The following FREM1 variants were observed in gnomAD, a reference collection of about 807,000 sequenced individuals.
FREM1 encodes FRAS1 related extracellular matrix 1.
FREM1 carries 220 observed loss-of-function variants against 210.1 expected under a neutral mutation model. The ratio of observed to expected loss-of-function variants is 1.05; its 90% CI spans 0.94 to 1.17. The LOEUF (loss-of-function observed/expected upper bound fraction) is 1.17, where lower values mean the gene tolerates loss of function less well. Among genes scored for constraint, FREM1 ranks in the 50% most tolerant of loss-of-function variants. The pLI, the probability that FREM1 is intolerant of heterozygous loss-of-function variation, is 0.00. For synonymous variants in FREM1, 1,189 were observed against 980.2 expected, an observed-to-expected ratio of 1.21 and a Z score of -3.98; for missense variants, 3,454 against 2,675.5, an observed-to-expected ratio of 1.29 and a Z score of -6.42.
rs1304258869 is a variant in FREM1 at position 14,770,908 on chromosome 9, G to C, written c.4858-102C>G. ...ACAATGACACACTGTCCCACGTTTT[G>C]GATTCCTTATACTCCTCACTAGTGG... is the stretch of plus-strand genomic sequence containing the variant. On this transcript the variant is annotated intron_variant, in intron 25 of 36. Transcript: ENST00000380880. The C allele has an allele frequency of 5.1e-6, 4 of 784,652 alleles. No homozygotes were observed. The African/African-American group carries it at 6.9e-5, about 14-fold the overall frequency. The allele number at this position is 784,652 out of a possible 1,614,324, so 48.6% of individuals were successfully genotyped here.
Position 14,819,385 on chromosome 9 carries a change from G to C in FREM1, c.2395C>G (p.His799Asp), listed in dbSNP as rs1257455196. Residue 799 changes from histidine (H) to aspartate (D), a missense_variant, in exon 14 of 37, where the codon CAC (histidine) becomes GAC (aspartate). Physicochemically the swap from His to Asp is moderately conservative, Grantham distance 81. Coordinates refer to ENST00000380880, the MANE Select transcript of FREM1 (RefSeq NM_001379081.2). ...GTATCTGCATCAGAAATTAGAATGTGCTCTGTGCTGATGATGCTTTGACCT... is the reference window on the plus strand; with the variant it reads ...GTATCTGCATCAGAAATTAGAATGTCCTCTGTGCTGATGATGCTTTGACCT... ...EGGQSIISTE[H>D]ILISDADTKL... is the part of the protein sequence containing the mutation. The C allele has an allele frequency of 6.2e-7, 1 of 1,613,346 alleles. No homozygotes were observed. Among genetic ancestry groups the C allele is most frequent in the Admixed American group, 1.7e-5 (1 of 59,966 alleles).
At chr9:14,764,217 T>C (rs1157521043) in intron 27 of FREM1, among the ~76,000 whole-genome samples, 1 of 152,230 alleles carries the variant, frequency 6.6e-6, no homozygotes, top group East Asian at 1.9e-4. Context: ...CCTTCTGCCA[T>C]GCTTGTGAGT....
chr9:14,900,423 A>G (rs1838572439), intron 1 of FREM1, among the ~76,000 whole-genome samples: 1 of 152,204 alleles, frequency 6.6e-6, no homozygotes, highest in Non-Finnish European at 1.5e-5. Context: ...CAAAGACTGA[A>G]GTTAGGATCT....
chr9:14,908,116 T>C (rs1588700002), intron 1 of FREM1, among the ~76,000 whole-genome samples: 2 of 152,348 alleles, frequency 1.3e-5, no homozygotes, highest in African/African-American at 4.8e-5. Context: ...CAGTTTTCTT[T>C]TTAATATAAA....
At chr9:14,869,900 G>A (rs765863184) in intron 1 of FREM1, among the ~76,000 whole-genome samples, 2 of 152,222 alleles carry the variant, frequency 1.3e-5, no homozygotes, top group Non-Finnish European at 2.9e-5. Flanking sequence ...TAATGACACA[G>A]CATATGGACA....
rs112805629 is a variant in FREM1 at position 14,806,148 on chromosome 9, T to C, written c.3274+513A>G. Among the ~76,000 whole-genome samples the C allele has an allele frequency of 6.4e-3, 969 of 152,132 alleles. 10 individuals are homozygous for C. Among genetic ancestry groups the C allele is most frequent in the African/African-American group, 0.02 (816 of 41,494 alleles). On this transcript the variant is annotated intron_variant, in intron 18 of 36. Coordinates refer to ENST00000380880, the MANE Select transcript of FREM1 (RefSeq NM_001379081.2). The stretch of plus-strand genomic sequence containing the variant: ...CCATTTATTTTGAAGTAAATTTGCA[T>C]GCAAGGGGGAAGTCAGAATAAAAAT...
chr9:14,747,874 G>C, intron 31 of FREM1, 146 bp from the exon 32 acceptor site: 1 of 518,284 alleles, frequency 1.9e-6, no homozygotes, highest in Non-Finnish European at 3.4e-6. Context: ...CAAATCATTG[G>C]AATTTCAAAA....
intron 24 of FREM1, chr9:14,779,594 G>C (rs1021700899): frequency 2.0e-6 from 1 of 501,682 alleles, no homozygotes; most frequent in Non-Finnish European, 2.6e-6. Flanking sequence ...ACATCTACTC[G>C]ATGCGTGCAT....
chr9:14,825,547 G>GTGTGTGTATATATATATATA lies in FREM1; in HGVS notation c.1882-556_1882-555insTATATATATATATACACACA. On this transcript the variant is annotated intron_variant, in intron 10 of 36. Coordinates refer to ENST00000380880, the MANE Select transcript of FREM1 (RefSeq NM_001379081.2). ...CATATATATATATATGTGTGTGTGTGTATATATATATATATATATATATAC... is the reference window on the plus strand; with the variant it reads ...CATATATATATATATGTGTGTGTGTGTGTGTGTATATATATATATATATATATATATATATATATATATAC... Among the ~76,000 whole-genome samples, 499 of 75,764 alleles carry GTGTGTGTATATATATATATA rather than the reference G, an allele frequency of 6.6e-3. 3 individuals are homozygous for GTGTGTGTATATATATATATA. The highest frequency in any genetic ancestry group is 0.02 in the East Asian group (65 of 3,250). The allele number at this position is 75,764 out of a possible 152,430, so 49.7% of individuals were successfully genotyped here. A position where few individuals can be genotyped will look rare whatever the true frequency, so the allele number is the denominator to read the frequency against.
intron 1 of FREM1, among the ~76,000 whole-genome samples, chr9:14,877,571 T>C (rs1016668703): frequency 3.9e-5 from 6 of 152,034 alleles, no homozygotes; most frequent in African/African-American, 1.5e-4. Flanking sequence ...ACAAAGGTGA[T>C]GGGTGTCACT....
chr9:14,771,668 C>T (rs1354981562), intron 25 of FREM1, among the ~76,000 whole-genome samples: 1 of 152,146 alleles, frequency 6.6e-6, no homozygotes, highest in East Asian at 1.9e-4. Context: ...CTCCTAATCT[C>T]TCGGTTCTTA....
chr9:14,855,538 A>G (rs1828575908), intron 5 of FREM1, among the ~76,000 whole-genome samples: 1 of 152,160 alleles, frequency 6.6e-6, no homozygotes, highest in African/African-American at 2.4e-5. Context: ...ATATAGTATA[A>G]ATGCGATTCC....
At chr9:14,902,001 C>T (rs949510957) in intron 1 of FREM1, among the ~76,000 whole-genome samples, 1 of 151,238 alleles carries the variant, frequency 6.6e-6, no homozygotes, top group African/African-American at 2.4e-5. Context: ...AGGCATCTGT[C>T]GCCATGCCTG....
chr9:14,783,993 G>C (rs981432536), intron 24 of FREM1, among the ~76,000 whole-genome samples: 1 of 152,104 alleles, frequency 6.6e-6, no homozygotes, highest in Non-Finnish European at 1.5e-5. Flanking sequence ...TCTTTAGCTG[G>C]GAGCCTCAGC....
chr9:14,786,899 C>G (rs1850507371), intron 23 of FREM1, among the ~76,000 whole-genome samples: 1 of 152,048 alleles, frequency 6.6e-6, no homozygotes, highest in Non-Finnish European at 1.5e-5. Context: ...CACAAAGCAC[C>G]CACGAGAGGT....
rs561432462 is a variant in FREM1, at chr9:14,801,746, C to T, written c.3600G>A (p.Gly1200=). The part of the protein sequence containing the change: ...KPRHGLLIDR[G]FSKDFSENKQ... ...TATTCTCAGAGAAGTCTTTGCTAAA[C>T]CCCCTATCGATGAGGAGGCCATGGC... The change falls in exon 20 of 37, where the codon GGG becomes GGA. Residue 1200 remains glycine, a synonymous_variant. Coordinates refer to ENST00000380880, the MANE Select transcript of FREM1 (RefSeq NM_001379081.2). 13 of 1,613,786 alleles carry T rather than the reference C, an allele frequency of 8.1e-6. No individual in the cohort carries two copies. The South Asian group carries it at 1.4e-4, about 18-fold the overall frequency.
chr9:14,870,176 G>A (rs1832335029), intron 1 of FREM1, among the ~76,000 whole-genome samples: 1 of 152,198 alleles, frequency 6.6e-6, no homozygotes, highest in Non-Finnish European at 1.5e-5. Flanking sequence ...TGCATAACCA[G>A]TAGATACCAA....
intron 1 of FREM1, among the ~76,000 whole-genome samples, chr9:14,897,217 AC>A (rs1426550875): frequency 6.6e-6 from 1 of 152,212 alleles, no homozygotes; most frequent in East Asian, 1.9e-4. Flanking sequence ...AACTCATTTA[AC>A]CTTCACTACA....
At chr9:14,865,957 A>C (rs1344525886) in intron 2 of FREM1, among the ~76,000 whole-genome samples, 1 of 152,196 alleles carries the variant, frequency 6.6e-6, no homozygotes, top group African/African-American at 2.4e-5. Context: ...CTGAAACTCC[A>C]TATTTTAATG....
Sources: allele counts gnomAD v4.1 joint callset (sites outside exome capture counted in the v4.1 genomes callset), GRCh38; gene constraint gnomAD v4.1.1; transcripts MANE v1.5; gene names NCBI Gene and HGNC (gene_info 2026-07-23, HGNC 2026-07-21).